The following GSG1L variants were observed in gnomAD, a reference collection of about 807,000 sequenced individuals.
The protein encoded by GSG1L is GSG1 like.
Under a neutral mutation model 42.1 loss-of-function variants are expected in GSG1L, and 24 were observed. That is an observed-to-expected ratio of 0.57 (90% confidence interval 0.41 to 0.80). The LOEUF (loss-of-function observed/expected upper bound fraction) is 0.80. Among genes scored for constraint, GSG1L ranks in the 30% least tolerant of loss-of-function variants. The pLI is 0.00. For synonymous variants in GSG1L, 215 were observed against 203.5 expected, an observed-to-expected ratio of 1.06 and a Z score of -0.48; for missense variants, 445 against 472.2, an observed-to-expected ratio of 0.94 and a Z score of 0.53.
At chr16:28,062,330 G>A (rs949367824) in intron 1 of GSG1L, among the ~76,000 whole-genome samples, 1 of 152,192 alleles carries the variant, frequency 6.6e-6, no homozygotes, top group Non-Finnish European at 1.5e-5. Context: ...CTTCTGAAAA[G>A]TCAGTCCCCC....
intron 2 of GSG1L, among the ~76,000 whole-genome samples, chr16:27,902,433 G>A (rs973229971): frequency 6.6e-6 from 1 of 152,188 alleles, no homozygotes; most frequent in African/African-American, 2.4e-5. Flanking sequence ...ATTCCGCAGA[G>A]AGGCCGATGC....
intron 1 of GSG1L, among the ~76,000 whole-genome samples, chr16:28,004,160 G>A (rs1026150677): frequency 6.6e-6 from 1 of 152,190 alleles, no homozygotes; most frequent in African/African-American, 2.4e-5. Context: ...TCCTCCTGCA[G>A]CTCAGAGGCC....
At chr16:28,023,225 T>G (rs2085864600) in intron 1 of GSG1L, among the ~76,000 whole-genome samples, 1 of 152,240 alleles carries the variant, frequency 6.6e-6, no homozygotes, top group African/African-American at 2.4e-5. Flanking sequence ...TCTTTCTCTC[T>G]TCTATCTTTC....
chr16:27,991,973 G>T (rs143623907), intron 1 of GSG1L, among the ~76,000 whole-genome samples: 54 of 152,208 alleles, frequency 3.5e-4, no homozygotes, highest in Non-Finnish European at 6.8e-4. Flanking sequence ...GGTTTCCAGG[G>T]GTGGAGCGTA....
intron 2 of GSG1L, among the ~76,000 whole-genome samples, chr16:27,947,540 G>GGAAAGA: frequency 1.0e-5 from 1 of 97,158 alleles, no homozygotes; most frequent in South Asian, 4.0e-4. Flanking sequence ...AAAGAATGAA[G>GGAAAGA]GAAAGAAAGA....
intron 1 of GSG1L, among the ~76,000 whole-genome samples, chr16:27,988,523 A>C (rs942871316): frequency 6.6e-6 from 1 of 152,148 alleles, no homozygotes; most frequent in African/African-American, 2.4e-5. Flanking sequence ...AAAAAAGTAG[A>C]AAAAAGTCTT....
intron 4 of GSG1L, among the ~76,000 whole-genome samples, chr16:27,830,680 C>T (rs2083265319): frequency 6.6e-6 from 1 of 152,200 alleles, no homozygotes; most frequent in African/African-American, 2.4e-5. Context: ...CACCCCCCAC[C>T]ATTCATAGAT....
At chr16:27,948,923 T>C (rs1030245771) in intron 2 of GSG1L, among the ~76,000 whole-genome samples, 4 of 149,488 alleles carry the variant, frequency 2.7e-5, no homozygotes, top group Admixed American at 2.7e-4. Context: ...ATTATTATTA[T>C]TATTATTATT....
At chr16:27,953,969 G>A (rs141080289) in intron 2 of GSG1L, among the ~76,000 whole-genome samples, 4 of 152,196 alleles carry the variant, frequency 2.6e-5, no homozygotes, top group Non-Finnish European at 5.9e-5. Context: ...ATGACCTTCT[G>A]GTTCCTGGCT....
At chr16:27,833,736 C>T (rs749821416) in intron 4 of GSG1L, among the ~76,000 whole-genome samples, 5 of 151,610 alleles carry the variant, frequency 3.3e-5, no homozygotes, top group South Asian at 4.2e-4. Flanking sequence ...TTTTGTTGTC[C>T]GAATGTTCAT....
At chr16:27,947,638 G>C (rs182658371) in intron 2 of GSG1L, among the ~76,000 whole-genome samples, 1 of 152,132 alleles carries the variant, frequency 6.6e-6, no homozygotes. Flanking sequence ...TGTGGGTTGT[G>C]TGATAACATG....
chr16:28,023,911 T>A (rs1487587558), intron 1 of GSG1L, among the ~76,000 whole-genome samples: 1 of 152,030 alleles, frequency 6.6e-6, no homozygotes, highest in Non-Finnish European at 1.5e-5. Context: ...TTGCCTGTAG[T>A]CCCAGCTACT....
chr16:27,891,861 T>G (rs1437956011), intron 2 of GSG1L, among the ~76,000 whole-genome samples: 1 of 147,244 alleles, frequency 6.8e-6, no homozygotes, highest in Non-Finnish European at 1.5e-5. Flanking sequence ...TTCTGTTTTC[T>G]GCAGGTACCG....
intron 1 of GSG1L, among the ~76,000 whole-genome samples, chr16:27,985,633 C>T (rs532020799): frequency 6.6e-6 from 1 of 152,036 alleles, no homozygotes; most frequent in Admixed American, 6.6e-5. Flanking sequence ...CACCTGAGGT[C>T]GGGAGTTCAA....
rs1189144638 is a variant in GSG1L, at chr16:27,789,201, G to A, written c.*2169C>T. Reference sequence around the variant, plus strand: ...TGAAGGAATGGATGGATGATAGATAGGTGTAAGGATAATGGATGGATAGAT... The same window carrying A: ...TGAAGGAATGGATGGATGATAGATAAGTGTAAGGATAATGGATGGATAGAT... On this transcript the variant is annotated 3_prime_UTR_variant, in exon 7 of 7. Transcript: ENST00000447459. 1.3e-5 allele frequency: 2 copies of A among 152,034 alleles called. No homozygotes were observed. The highest frequency in any genetic ancestry group is 2.9e-5 in the Non-Finnish European group (2 of 68,028). 9.4% of individuals were successfully genotyped at this position (152,034 alleles called of 1,614,324 possible).
chr16:27,839,904 C>T (rs2083359801), intron 4 of GSG1L, among the ~76,000 whole-genome samples: 1 of 152,238 alleles, frequency 6.6e-6, no homozygotes, highest in Admixed American at 6.5e-5. Context: ...TGGCTTTCAA[C>T]CTGTTTCCTG....
intron 5 of GSG1L, among the ~76,000 whole-genome samples, chr16:27,817,771 T>G (rs2083112987): frequency 6.6e-6 from 1 of 152,266 alleles, no homozygotes; most frequent in Admixed American, 6.5e-5. Context: ...CAATTTGTTA[T>G]GAAAGCTTCC....
At chr16:27,946,683 A>G (rs1335253381) in intron 2 of GSG1L, among the ~76,000 whole-genome samples, 2 of 149,032 alleles carry the variant, frequency 1.3e-5, no homozygotes, top group East Asian at 1.9e-4. Flanking sequence ...AAAGAAAGAA[A>G]GAAAGAAAGA....
At chr16:27,929,078 G>A (rs2040586069) in intron 2 of GSG1L, among the ~76,000 whole-genome samples, 1 of 152,234 alleles carries the variant, frequency 6.6e-6, no homozygotes, top group African/African-American at 2.4e-5. Context: ...AATGTGCAAA[G>A]GTGCAGCCCA....
Sources: gnomAD v4.1 joint callset for allele counts (sites outside exome capture counted in the v4.1 genomes callset) on GRCh38, gnomAD v4.1.1 for gene constraint, MANE v1.5 for transcripts, NCBI Gene and HGNC (gene_info 2026-07-23, HGNC 2026-07-21) for gene names.